TLR8: variants seen among roughly 807,000 people sequenced by gnomAD.
TLR8 encodes toll like receptor 8.
In TLR8, 5 loss-of-function variants were observed where a neutral mutation model predicts 18.5. The observed-to-expected ratio is 0.27, with a 90% CI of 0.14 to 0.57. TLR8 has a LOEUF of 0.57. Ranked by LOEUF, TLR8 falls within the 20% of genes least tolerant of loss-of-function variation. The probability of loss-of-function intolerance (pLI) is 0.92; values close to 1 mark genes in which losing one functional copy is unlikely to be tolerated. For synonymous variants in TLR8, 299 were observed against 300.1 expected (o/e 1.00, Z 0.04); for missense variants, 543 against 769.8 (o/e 0.71, Z 3.49).
chrX:12,908,343 A>AAC (rs71973869), intron 1 of TLR8: 2 of 56,437 alleles, frequency 3.5e-5, no homozygotes, highest in East Asian at 6.3e-3. Flanking sequence ...TCTGTTTCAA[A>AAC]ACAACAACAA....
At position 12,920,623 on chromosome X, in the gene TLR8, C is replaced by G; in HGVS notation, c.1583C>G (p.Ala528Gly). 8.3e-7 allele frequency: 1 copy of G among 1,210,994 alleles called. No homozygotes were observed. Among genetic ancestry groups the G allele is most frequent in the Non-Finnish European group, 1.1e-6 (1 of 895,012 alleles). Residue 528 changes from alanine (A) to glycine (G), a missense_variant, in exon 2 of 2, where the codon GCC becomes GGC. Physicochemically the swap from Ala to Gly is moderately conservative, Grantham distance 60. Transcript: ENST00000218032. The part of the protein sequence containing the change: ...AQVLSGTEFS[A>G]IPHVKYLDLT... ...GTGTTAAGTGGAACTGAATTTTCAG[C>G]CATTCCTCATGTCAAATATTTGGAT...
chrX:12,911,149 G>A (rs1230501589), intron 1 of TLR8, among the ~76,000 whole-genome samples: 1 of 111,520 alleles, frequency 9.0e-6, no homozygotes, highest in African/African-American at 3.3e-5. Flanking sequence ...TCAGCAGAGG[G>A]TTTCACAGAA....
At position 12,906,658 on chromosome X, in the gene TLR8, A is replaced by G; in HGVS notation, c.-49A>G. On this transcript the variant is annotated 5_prime_UTR_variant, in exon 1 of 2. Coordinates refer to ENST00000218032, the MANE Select transcript of TLR8 (RefSeq NM_138636.5). ...GGCCACCTCCTGCATAGAGGGTACC[A>G]TTCTGCGCTGCTGCAAGTTACGGAA... 1 of 1,087,480 alleles carries G rather than the reference A, an allele frequency of 9.2e-7. No homozygotes were observed. Among genetic ancestry groups the G allele is most frequent in the Non-Finnish European group, 1.2e-6 (1 of 837,714 alleles). The allele number at this position is 1,087,480 out of a possible 1,213,427, so 89.6% of individuals were successfully genotyped here. A position where few individuals can be genotyped will look rare whatever the true frequency, so the allele number is the denominator to read the frequency against.
chrX:12,908,419 CA>C (rs1569113961), intron 1 of TLR8: 1 of 112,557 alleles, frequency 8.9e-6, no homozygotes, highest in Non-Finnish European at 1.9e-5. Context: ...AAAAAATGGC[CA>C]CTTTGCTCCC....
At position 12,920,841 on chromosome X, in the gene TLR8, G is replaced by A; in HGVS notation, c.1801G>A (p.Asp601Asn). ...LSHNNIYTLTDKYNLESKSLV... is the reference protein window; with the variant it reads ...LSHNNIYTLTNKYNLESKSLV... ...CCACAACAACATTTATACTTTAACA[G>A]ATAAGTATAACCTGGAAAGCAAGTC... Residue 601 changes from aspartate to asparagine, a missense_variant, in exon 2 of 2, where the codon GAT (aspartate) becomes AAT (asparagine). Physicochemically the swap from Asp to Asn is conservative, Grantham distance 23. This residue lies in a region of TLR8 where 14 missense variants were observed against 47.0 expected (regional missense o/e 0.30). Coordinates refer to ENST00000218032, the MANE Select transcript of TLR8 (RefSeq NM_138636.5). The A allele has an allele frequency of 8.3e-7, 1 of 1,210,642 alleles. No individual in the cohort carries two copies.
intron 1 of TLR8, among the ~76,000 whole-genome samples, 155 bp from the exon 2 acceptor site, chrX:12,918,889 A>G (rs748276015): frequency 1.8e-5 from 2 of 112,070 alleles, no homozygotes; most frequent in Admixed American, 1.9e-4. Flanking sequence ...AAGTAAAATC[A>G]TTCTGGACCT....
chrX:12,910,545 T>C lies in TLR8; in HGVS notation c.3+3836T>C. On this transcript the variant is annotated intron_variant, in intron 1 of 1. Coordinates refer to ENST00000218032, the MANE Select transcript of TLR8 (RefSeq NM_138636.5). Reference sequence around the variant, plus strand: ...TTTTAGTCTCACATGGCAGCGTCCCTACCTTTGTGCCCACACATCTGGTCT... The same window carrying C: ...TTTTAGTCTCACATGGCAGCGTCCCCACCTTTGTGCCCACACATCTGGTCT... 8 of 923,161 alleles carry C rather than the reference T, an allele frequency of 8.7e-6. No individual in the cohort carries two copies. The South Asian group carries it at 1.9e-4, about 22-fold the overall frequency. 76.1% of individuals were successfully genotyped at this position (923,161 alleles called of 1,213,427 possible). A position where few individuals can be genotyped will look rare whatever the true frequency, so the allele number is the denominator to read the frequency against.
chrX:12,913,157 A>G (rs2043032429), intron 1 of TLR8, among the ~76,000 whole-genome samples: 2 of 112,248 alleles, frequency 1.8e-5, no homozygotes, highest in African/African-American at 6.5e-5. Flanking sequence ...CCTGACAAAC[A>G]CTACCTCAGT....
At chrX:12,914,757 G>GT (rs906063793) in intron 1 of TLR8, among the ~76,000 whole-genome samples, 1 of 111,726 alleles carries the variant, frequency 9.0e-6, no homozygotes. Context: ...CTGAAGTTCT[G>GT]TGCCCTCTTG....
At chrX:12,915,266 G>A (rs980946055) in intron 1 of TLR8, among the ~76,000 whole-genome samples, 1 of 111,311 alleles carries the variant, frequency 9.0e-6, no homozygotes, top group Non-Finnish European at 1.9e-5. Flanking sequence ...AGTCTCAGGC[G>A]ATTCTCCAGT....
At chrX:12,914,487 A>T (rs1269006217) in intron 1 of TLR8, among the ~76,000 whole-genome samples, 1 of 110,996 alleles carries the variant, frequency 9.0e-6, no homozygotes, top group African/African-American at 3.3e-5. Context: ...AACTCAACTC[A>T]AAAGCAAACC....
At chrX:12,916,542 G>A (rs1013386527) in intron 1 of TLR8, among the ~76,000 whole-genome samples, 3 of 112,203 alleles carry the variant, frequency 2.7e-5, no homozygotes, top group African/African-American at 9.7e-5. Context: ...TCCCGGTACA[G>A]ATGTGAAGCC....
At chrX:12,910,342 AG>A in intron 1 of TLR8, 1 of 1,165,767 alleles carries the variant, frequency 8.6e-7, no homozygotes, top group Admixed American at 2.6e-5. Flanking sequence ...AACATCAGCA[AG>A]ACCCATCCCA....
At chrX:12,917,065 C>T (rs2043060698) in intron 1 of TLR8, among the ~76,000 whole-genome samples, 1 of 111,800 alleles carries the variant, frequency 8.9e-6, no homozygotes, top group African/African-American at 3.3e-5. Context: ...AAACGTTCCG[C>T]CTTCAAACGC....
chrX:12,916,767 G>A lies in TLR8; in HGVS notation c.4-2277G>A, dbSNP rs1009500588. On this transcript the variant is annotated intron_variant, in intron 1 of 1. Transcript: ENST00000218032. ...AGTTCTCCACTCCAAGTCTCATAAA[G>A]CCAAGCTGGGCTGTCATCTGGAGGC... Among the ~76,000 whole-genome samples, 3 of 112,100 alleles carry A rather than the reference G, an allele frequency of 2.7e-5. No individual in the cohort carries two copies. In the East Asian group the frequency reaches 8.3e-4, roughly 31 times the overall value.
chrX:12,921,797 G>A lies in TLR8; in HGVS notation c.2757G>A (p.Glu919=). 8.3e-7 allele frequency: 1 copy of A among 1,211,746 alleles called. No homozygotes were observed. The highest frequency in any genetic ancestry group is 1.1e-6 in the Non-Finnish European group (1 of 895,499). ...AAAACGTTCTCCTTTGTCTAGAGGA[G>A]AGGGATTGGGACCCGGGATTGGCCA... is the stretch of plus-strand genomic sequence containing the variant. ...RDKNVLLCLE[E]RDWDPGLAII... is the part of the protein sequence containing the mutation. The change falls in exon 2 of 2, where the codon GAG becomes GAA. Residue 919 remains glutamate (E), a synonymous_variant. Coordinates refer to ENST00000218032, the MANE Select transcript of TLR8 (RefSeq NM_138636.5).
Position 12,921,607 on chromosome X carries a change from T to C in TLR8, c.2567T>C (p.Val856Ala). ...GCTCACCATTTGTTTTACTGGGATG[T>C]TTGGTTTATATATAATGTGTGTTTA... Reference protein sequence around the residue: ...ALAHHLFYWDVWFIYNVCLAK... With the variant: ...ALAHHLFYWDAWFIYNVCLAK... Residue 856 changes from valine to alanine, a missense_variant, in exon 2 of 2, where the codon GTT becomes GCT. Val to Ala is a moderately conservative substitution (Grantham distance 64, BLOSUM62 0). Coordinates refer to ENST00000218032, the MANE Select transcript of TLR8 (RefSeq NM_138636.5). The C allele has an allele frequency of 8.3e-7, 1 of 1,211,683 alleles. No homozygotes were observed. The highest frequency in any genetic ancestry group is 1.7e-5 in the African/African-American group (1 of 57,830).
chrX:12,918,725 G>A (rs1450469146), intron 1 of TLR8, among the ~76,000 whole-genome samples: 1 of 110,497 alleles, frequency 9.1e-6, no homozygotes, highest in Non-Finnish European at 1.9e-5. Context: ...TGTAGAGTCA[G>A]GGTCTCCCTA....
At chrX:12,907,957 A>G (rs949981070) in intron 1 of TLR8, among the ~76,000 whole-genome samples, 1 of 112,577 alleles carries the variant, frequency 8.9e-6, no homozygotes, top group Admixed American at 9.4e-5. Context: ...AACTGGGCCA[A>G]TGACACATAT....
Sources: gnomAD v4.1 joint callset for allele counts (sites outside exome capture counted in the v4.1 genomes callset) on GRCh38, gnomAD v4.1.1 for gene constraint, gnomAD v4.1.1 regional missense constraint, MANE v1.5 for transcripts, NCBI Gene and HGNC (gene_info 2026-07-23, HGNC 2026-07-21) for gene names.